FARS2: variants seen among roughly 807,000 people sequenced by gnomAD.
The protein encoded by FARS2 is phenylalanine--tRNA ligase, mitochondrial.
In FARS2, 40 loss-of-function variants were observed where a neutral mutation model predicts 46.4. The observed-to-expected ratio is 0.86, with a 90% CI of 0.67 to 1.12. The LOEUF is 1.12. Ranked by LOEUF, FARS2 falls within the 50% of genes most tolerant of loss-of-function variation. The pLI is 0.00. For missense variants in FARS2, 513 were observed against 567.9 expected (o/e 0.90, Z 0.98); for synonymous variants, 234 against 214.9 (o/e 1.09, Z -0.78).
intron 1 of FARS2, among the ~76,000 whole-genome samples, chr6:5,266,568 G>A (rs1765563793): frequency 6.6e-6 from 1 of 152,142 alleles, no homozygotes; most frequent in South Asian, 2.1e-4. Context: ...TCACACAGCT[G>A]GAAAGTAGCT....
intron 2 of FARS2, among the ~76,000 whole-genome samples, chr6:5,393,686 T>A (rs1760722438): frequency 6.6e-6 from 1 of 152,116 alleles, no homozygotes; most frequent in Admixed American, 6.6e-5. Flanking sequence ...CAAGTACTTT[T>A]AAAATTATAA....
chr6:5,756,313 C>T (rs1003485099), intron 6 of FARS2, among the ~76,000 whole-genome samples: 3 of 152,176 alleles, frequency 2.0e-5, no homozygotes, highest in Non-Finnish European at 4.4e-5. Flanking sequence ...ACTACTCTTA[C>T]ATATTGTATT....
chr6:5,526,417 G>A (rs889210433), intron 4 of FARS2, among the ~76,000 whole-genome samples: 9 of 95,832 alleles, frequency 9.4e-5, no homozygotes, highest in African/African-American at 4.4e-4. Flanking sequence ...TATGGAATTA[G>A]AGCAGCTGAT....
chr6:5,260,826 C>G, upstream of FARS2: 1 of 1,523,644 alleles, frequency 6.6e-7, no homozygotes, highest in Non-Finnish European at 8.8e-7. Context: ...AAACCACGAA[C>G]GAAATAAAAT....
chr6:5,267,917 T>C lies in FARS2; in HGVS notation c.-22+6257T>C, dbSNP rs2127815018. Among the ~76,000 whole-genome samples the C allele has an allele frequency of 1.3e-5, 2 of 152,218 alleles. 1 individual carries two copies. Among genetic ancestry groups the C allele is most frequent in the South Asian group, 4.2e-4 (2 of 4,810 alleles). The stretch of plus-strand genomic sequence containing the variant: ...ATTCTAACTGGTGTGAGATGGTATC[T>C]CATTGTGGTTTTGATTTGCATTTCT... On this transcript the variant is annotated intron_variant, in intron 1 of 6. Transcript: ENST00000274680.
chr6:5,501,518 A>G (rs181847201), intron 4 of FARS2, among the ~76,000 whole-genome samples: 5 of 151,564 alleles, frequency 3.3e-5, no homozygotes, highest in Non-Finnish European at 5.9e-5. Flanking sequence ...TATTTTTGAG[A>G]TGGATTCTTG....
At chr6:5,636,684 T>G (rs1297390987) in intron 6 of FARS2, among the ~76,000 whole-genome samples, 1 of 152,236 alleles carries the variant, frequency 6.6e-6, no homozygotes, top group Non-Finnish European at 1.5e-5. Context: ...TTTCTGTGCC[T>G]CGCCTTCGTC....
Position 5,431,054 on chromosome 6 carries a change from A to G in FARS2, c.786A>G (p.Arg262=), listed in dbSNP as rs1763132563. The part of the protein sequence containing the change: ...AHLFGDELEI[R]WVDCYFPFTH... ...GCAACTTTGCAGAGCTGGAGATAAG[A>G]TGGGTAGACTGCTACTTCCCTTTTA... Residue 262 remains arginine, a synonymous_variant, in exon 4 of 7, where the codon AGA becomes AGG. Coordinates refer to ENST00000274680, the MANE Select transcript of FARS2 (RefSeq NM_006567.5). The G allele has an allele frequency of 1.9e-6, 3 of 1,613,628 alleles. No homozygotes were observed. In the Admixed American group the frequency reaches 5.0e-5, roughly 27 times the overall value.
intron 1 of FARS2, among the ~76,000 whole-genome samples, chr6:5,338,178 G>A (rs888794783): frequency 1.3e-5 from 2 of 152,108 alleles, no homozygotes; most frequent in Non-Finnish European, 2.9e-5. Context: ...TAGACCTATA[G>A]ATTATATAGA....
chr6:5,466,110 A>G (rs887774925), intron 4 of FARS2, among the ~76,000 whole-genome samples: 22 of 152,144 alleles, frequency 1.4e-4, no homozygotes, highest in African/African-American at 4.6e-4. Flanking sequence ...GGCGATGGGT[A>G]ATGCGTAGCT....
At chr6:5,358,062 A>G (rs769679401) in intron 1 of FARS2, among the ~76,000 whole-genome samples, 2 of 152,224 alleles carry the variant, frequency 1.3e-5, no homozygotes, top group Non-Finnish European at 2.9e-5. Flanking sequence ...AGAATCTTAT[A>G]AATAATCAAT....
At chr6:5,687,993 T>C (rs890144261) in intron 6 of FARS2, among the ~76,000 whole-genome samples, 6 of 152,218 alleles carry the variant, frequency 3.9e-5, no homozygotes, top group African/African-American at 1.4e-4. Flanking sequence ...ATGATTTGGC[T>C]CTCTGTTTGT....
intron 1 of FARS2, among the ~76,000 whole-genome samples, chr6:5,271,404 G>T (rs1765934643): frequency 6.6e-6 from 1 of 151,884 alleles, no homozygotes; most frequent in African/African-American, 2.4e-5. Flanking sequence ...GGATTCTTTT[G>T]GTCTTGAACC....
chr6:5,525,255 T>TTTTTTTTTTTTTTTTTGAGACGG (rs1769388203), intron 4 of FARS2, among the ~76,000 whole-genome samples: 1 of 151,316 alleles, frequency 6.6e-6, no homozygotes, highest in African/African-American at 2.4e-5. Flanking sequence ...GGTGTATTTT[T>TTTTTTTTTTTTTTTTTGAGACGG]AATATTATTA....
upstream of FARS2, among the ~76,000 whole-genome samples, chr6:5,258,242 G>C (rs1408958514): frequency 6.6e-6 from 1 of 152,190 alleles, no homozygotes; most frequent in African/African-American, 2.4e-5. Flanking sequence ...TTGCAAGAGA[G>C]TTCCAAAGTA....
At chr6:5,621,112 G>A (rs1183910731) in intron 6 of FARS2, among the ~76,000 whole-genome samples, 11 of 152,078 alleles carry the variant, frequency 7.2e-5, no homozygotes, top group Admixed American at 5.9e-4. Flanking sequence ...AAGATTCTGG[G>A]GTGTTTGTTT....
chr6:5,707,894 G>A (rs1304230461), intron 6 of FARS2, among the ~76,000 whole-genome samples: 1 of 152,196 alleles, frequency 6.6e-6, no homozygotes, highest in African/African-American at 2.4e-5. Context: ...AACAAGCAGC[G>A]GGGTGCCGCC....
intron 6 of FARS2, among the ~76,000 whole-genome samples, chr6:5,701,556 A>C (rs916462727): frequency 1.3e-5 from 2 of 152,240 alleles, no homozygotes; most frequent in African/African-American, 4.8e-5. Flanking sequence ...AAACGTCAGA[A>C]GCCAGATACC....
At chr6:5,733,024 A>C (rs1204720124) in intron 6 of FARS2, among the ~76,000 whole-genome samples, 3 of 152,212 alleles carry the variant, frequency 2.0e-5, no homozygotes, top group Non-Finnish European at 2.9e-5. Flanking sequence ...ACCAATGGCC[A>C]GACAGGTGAA....
Sources: allele counts gnomAD v4.1 joint callset (sites outside exome capture counted in the v4.1 genomes callset), GRCh38; gene constraint gnomAD v4.1.1; transcripts MANE v1.5; gene names NCBI Gene and HGNC (gene_info 2026-07-23, HGNC 2026-07-21).